Variants in SIN3A observed in about 807,000 individuals in gnomAD.
The protein encoded by SIN3A is SIN3 transcription regulator family member A.
SIN3A carries 14 observed loss-of-function variants against 146.1 expected under a neutral mutation model. The ratio of observed to expected loss-of-function variants is 0.10; its 90% confidence interval spans 0.06 to 0.15. The LOEUF (loss-of-function observed/expected upper bound fraction) is 0.15. Ranked by LOEUF, SIN3A falls within the 10% of genes least tolerant of loss-of-function variation. SIN3A has a pLI of 1.00. For missense variants in SIN3A, 1,028 were observed against 1,576.0 expected, an observed-to-expected ratio of 0.65 and a Z score of 5.89; for synonymous variants, 572 against 572.0, an observed-to-expected ratio of 1.00 and a Z score of 0.00.
intron 18 of SIN3A, 95 bp from the exon 19 acceptor site, chr15:75,380,818 C>T (rs113652381): frequency 2.5e-6 from 2 of 811,756 alleles, no homozygotes; most frequent in South Asian, 1.4e-5. Context: ...TTACAATGCC[C>T]CGAATTCATA....
At chr15:75,446,070 C>T (rs1025618706) in intron 1 of SIN3A, among the ~76,000 whole-genome samples, 1 of 152,012 alleles carries the variant, frequency 6.6e-6, no homozygotes, top group African/African-American at 2.4e-5. Flanking sequence ...GGAGATACAA[C>T]GGTAAACAAA....
At chr15:75,450,741 C>A (rs1370387347) in intron 1 of SIN3A, among the ~76,000 whole-genome samples, 1 of 152,236 alleles carries the variant, frequency 6.6e-6, no homozygotes, top group South Asian at 2.1e-4. Context: ...AGCTCCCAGT[C>A]GGCGGGTGCC....
At chr15:75,417,154 G>A (rs1246738973) in intron 3 of SIN3A, among the ~76,000 whole-genome samples, 1 of 151,794 alleles carries the variant, frequency 6.6e-6, no homozygotes. Flanking sequence ...AAAAAAAACT[G>A]ACCTATCACA....
chr15:75,392,917 T>C (rs2073234725), intron 14 of SIN3A, 102 bp from the exon 15 acceptor site: 2 of 888,218 alleles, frequency 2.3e-6, no homozygotes, highest in Admixed American at 5.2e-5. Flanking sequence ...CCACAGTGTC[T>C]ATATTTTTCT....
chr15:75,439,156 AT>A (rs149806303), intron 1 of SIN3A, among the ~76,000 whole-genome samples: 1,725 of 152,240 alleles, frequency 0.011, 33 homozygotes, highest in African/African-American at 0.04. Flanking sequence ...GATGGAAGAC[AT>A]TTTTGGTTGT....
At chr15:75,386,136 A>G (rs1340888975) in intron 16 of SIN3A, among the ~76,000 whole-genome samples, 1 of 152,108 alleles carries the variant, frequency 6.6e-6, no homozygotes, top group African/African-American at 2.4e-5. Flanking sequence ...CAACCCTCCC[A>G]TACCTCAGCC....
At chr15:75,448,213 T>C (rs1202167587) in intron 1 of SIN3A, 3 of 150,556 alleles carry the variant, frequency 2.0e-5, no homozygotes, top group Non-Finnish European at 4.4e-5. Context: ...AAAAAGACAT[T>C]ATGCGGCCGG....
chr15:75,402,167 G>A (rs1243294792), intron 9 of SIN3A, among the ~76,000 whole-genome samples, 197 bp from the exon 10 acceptor site: 1 of 151,954 alleles, frequency 6.6e-6, no homozygotes, highest in African/African-American at 2.4e-5. Flanking sequence ...ATTTTTTGCA[G>A]AGACGAGGTC....
chr15:75,383,512 C>T (rs2073017504), intron 17 of SIN3A, among the ~76,000 whole-genome samples: 1 of 151,394 alleles, frequency 6.6e-6, no homozygotes, highest in African/African-American at 2.4e-5. Flanking sequence ...CAGCCTCGAC[C>T]TCCCAGGCTC....
intron 19 of SIN3A, chr15:75,376,080 T>TA: frequency 1.7e-6 from 1 of 598,312 alleles, no homozygotes; most frequent in Non-Finnish European, 3.0e-6. Context: ...ACCCATCCCC[T>TA]ACTTGACTTA....
chr15:75,384,257 C>T lies in SIN3A; in HGVS notation c.3195+7G>A. Reference sequence around the variant, plus strand: ...GCAAGGTCTTCGACTACCTGACCAACTCTCACCTTAAAGCAATTCTCATCT... The same window carrying T: ...GCAAGGTCTTCGACTACCTGACCAATTCTCACCTTAAAGCAATTCTCATCT... On this transcript the variant is annotated splice_region_variant and intron_variant, in intron 17 of 20. Transcript: ENST00000394947. The T allele has an allele frequency of 6.2e-7, 1 of 1,601,970 alleles. No homozygotes were observed. Among genetic ancestry groups the T allele is most frequent in the South Asian group, 1.1e-5 (1 of 89,804 alleles).
At chr15:75,385,035 T>C (rs1480013206) in intron 16 of SIN3A, among the ~76,000 whole-genome samples, 1 of 151,892 alleles carries the variant, frequency 6.6e-6, no homozygotes, top group African/African-American at 2.4e-5. Context: ...TAGCCGGGCG[T>C]GGTGGCAGGA....
chr15:75,405,659 G>A (rs956024631), intron 9 of SIN3A, among the ~76,000 whole-genome samples: 24 of 152,118 alleles, frequency 1.6e-4, no homozygotes, highest in African/African-American at 5.8e-4. Context: ...GCTAAGGCTG[G>A]AGAATCGCTT....
chr15:75,415,577 C>T (rs996460809), intron 3 of SIN3A: 1 of 180,756 alleles, frequency 5.5e-6, no homozygotes. Context: ...GCAGGCTGGG[C>T]GCAGTGGCTG....
Position 75,380,565 on chromosome 15 carries a change from T to C in SIN3A, c.3383+64A>G, listed in dbSNP as rs139239364. 1.2e-4 allele frequency: 143 copies of C among 1,212,350 alleles called. No homozygotes were observed. The African/African-American group carries it at 1.8e-3, about 15-fold the overall frequency. 75.1% of individuals were successfully genotyped at this position (1,212,350 alleles called of 1,614,324 possible). On this transcript the variant is annotated intron_variant, in intron 19 of 20. Transcript: ENST00000394947. Reference sequence around the variant, plus strand: ...GTGAAGGCCAAGAACGTGAAAGTCATTTAACTCTCCATTCCTCAATCATGC... The same window carrying C: ...GTGAAGGCCAAGAACGTGAAAGTCACTTAACTCTCCATTCCTCAATCATGC...
chr15:75,401,810 C>T, intron 10 of SIN3A, 42 bp downstream of exon 10: 1 of 1,138,914 alleles, frequency 8.8e-7, no homozygotes, highest in South Asian at 1.3e-5. Flanking sequence ...ATTACCTGGT[C>T]TCCATATCAT....
chr15:75,444,123 G>A (rs187809869), intron 1 of SIN3A, among the ~76,000 whole-genome samples: 7 of 152,166 alleles, frequency 4.6e-5, no homozygotes, highest in Non-Finnish European at 8.8e-5. Flanking sequence ...ACATTGTTTC[G>A]ATGTACAAGT....
intron 3 of SIN3A, 68 bp from the exon 4 acceptor site, chr15:75,414,379 AAC>A: frequency 1.2e-6 from 1 of 814,336 alleles, no homozygotes; most frequent in Admixed American, 3.4e-5. Flanking sequence ...AAAAAACAAA[AAC>A]AAATTATTTA....
intron 1 of SIN3A, among the ~76,000 whole-genome samples, chr15:75,450,756 C>T (rs1489225801): frequency 6.6e-6 from 1 of 152,248 alleles, no homozygotes; most frequent in African/African-American, 2.4e-5. Context: ...GGTGCCCCTC[C>T]CTCCCCACGG....
Sources: gnomAD v4.1 joint callset for allele counts (sites outside exome capture counted in the v4.1 genomes callset) on GRCh38, gnomAD v4.1.1 for gene constraint, MANE v1.5 for transcripts, NCBI Gene and HGNC (gene_info 2026-07-23, HGNC 2026-07-21) for gene names.